IQCM: variants seen among roughly 807,000 people sequenced by gnomAD.
IQCM encodes the protein IQ domain-containing protein M.
Under a neutral mutation model 57.6 loss-of-function variants are expected in IQCM, and 45 were observed. The ratio of observed to expected loss-of-function variants is 0.78; its 90% CI spans 0.62 to 1.00. IQCM has a LOEUF of 1.00. Ranked by LOEUF, IQCM falls within the 50% of genes least tolerant of loss-of-function variation. IQCM has a pLI of 0.00. For missense variants in IQCM, 468 were observed against 511.6 expected (o/e 0.91, Z 0.82); for synonymous variants, 148 against 158.9 (o/e 0.93, Z 0.51).
Position 149,615,343 on chromosome 4 carries a change from G to A in IQCM, c.681+5786C>T, listed in dbSNP as rs1755695026. On this transcript the variant is annotated intron_variant, in intron 8 of 13. Transcript: ENST00000636793. ...TACATTCCAGGTCTCACTCACCTTA[G>A]ATAAATATTATCTTTCAGGATAATT... 2.0e-5 allele frequency among the ~76,000 whole-genome samples: 3 copies of A among 152,046 alleles called. No individual in the cohort carries two copies. In the South Asian group the frequency reaches 6.2e-4, roughly 31 times the overall value.
intron 5 of IQCM, among the ~76,000 whole-genome samples, chr4:149,689,435 C>T (rs1762786619): frequency 6.6e-6 from 1 of 151,974 alleles, no homozygotes; most frequent in Non-Finnish European, 1.5e-5. Flanking sequence ...AGGAGAAATA[C>T]TTAATGTAGA....
At chr4:149,480,499 A>C (rs1028424212) in intron 12 of IQCM, among the ~76,000 whole-genome samples, 2 of 148,602 alleles carry the variant, frequency 1.3e-5, no homozygotes, top group East Asian at 1.9e-4. Flanking sequence ...CCCATAAATA[A>C]GTGAGAACAC....
At chr4:149,383,434 G>C (rs2111044952) in intron 13 of IQCM, among the ~76,000 whole-genome samples, 1 of 152,242 alleles carries the variant, frequency 6.6e-6, no homozygotes, top group South Asian at 2.1e-4. Flanking sequence ...CTGTGGTCAA[G>C]TGGACAGCAT....
chr4:149,447,553 G>A (rs1736645549), intron 12 of IQCM, among the ~76,000 whole-genome samples: 1 of 151,390 alleles, frequency 6.6e-6, no homozygotes, highest in Admixed American at 6.6e-5. Flanking sequence ...GCATAAGAAA[G>A]ATAAGTGAAA....
chr4:149,555,258 C>T (rs1423452076), intron 10 of IQCM, among the ~76,000 whole-genome samples: 4 of 152,064 alleles, frequency 2.6e-5, no homozygotes, highest in African/African-American at 9.7e-5. Context: ...ATTGATTGCA[C>T]TTTTGGCACA....
intron 13 of IQCM, among the ~76,000 whole-genome samples, chr4:149,368,708 T>C (rs1730015672): frequency 6.9e-6 from 1 of 145,296 alleles, no homozygotes; most frequent in African/African-American, 2.5e-5. Context: ...GTAATAAAAG[T>C]TAAAGACATT....
chr4:149,642,584 A>G (rs1579818240), intron 7 of IQCM, among the ~76,000 whole-genome samples: 1 of 152,294 alleles, frequency 6.6e-6, no homozygotes, highest in Admixed American at 6.5e-5. Context: ...AAACTCATCT[A>G]TGGACTACAC....
chr4:149,540,672 T>C (rs1283392466), intron 12 of IQCM, among the ~76,000 whole-genome samples: 1 of 152,132 alleles, frequency 6.6e-6, no homozygotes, highest in African/African-American at 2.4e-5. Flanking sequence ...ATATGTATAA[T>C]GTGATCCTAT....
chr4:149,539,943 G>A (rs751640266), intron 12 of IQCM, among the ~76,000 whole-genome samples: 32 of 152,108 alleles, frequency 2.1e-4, no homozygotes, highest in Non-Finnish European at 3.7e-4. Context: ...AAGTCCAATG[G>A]ATATCCCAGG....
intron 12 of IQCM, among the ~76,000 whole-genome samples, chr4:149,469,375 T>G (rs547287915): frequency 7.2e-5 from 11 of 152,242 alleles, no homozygotes; most frequent in Non-Finnish European, 1.5e-4. Flanking sequence ...AGGGTATCAG[T>G]GATTGAAGAT....
chr4:149,617,129 A>G (rs1755864156), intron 8 of IQCM, among the ~76,000 whole-genome samples: 1 of 151,556 alleles, frequency 6.6e-6, no homozygotes, highest in Admixed American at 6.6e-5. Context: ...CTAATTTTGT[A>G]TTTTTAGTAG....
chr4:149,698,128 C>T (rs1382893921), intron 5 of IQCM, among the ~76,000 whole-genome samples: 1 of 151,610 alleles, frequency 6.6e-6, no homozygotes, highest in Non-Finnish European at 1.5e-5. Flanking sequence ...TCCTACTCTA[C>T]CTTCATGTAA....
intron 2 of IQCM, among the ~76,000 whole-genome samples, chr4:149,745,566 A>G (rs955423367): frequency 6.6e-6 from 1 of 152,148 alleles, no homozygotes. Flanking sequence ...AAACGGTTAC[A>G]GGAATGCTAA....
chr4:149,581,327 C>T (rs1350405667), intron 9 of IQCM, among the ~76,000 whole-genome samples: 1 of 146,822 alleles, frequency 6.8e-6, no homozygotes, highest in Non-Finnish European at 1.5e-5. Flanking sequence ...GTGTGTGTGA[C>T]TGCACAATAA....
intron 12 of IQCM, among the ~76,000 whole-genome samples, chr4:149,446,972 C>A (rs1048677061): frequency 6.6e-6 from 1 of 151,436 alleles, no homozygotes; most frequent in Admixed American, 6.6e-5. Context: ...GTGATAGACA[C>A]TGTGTTAGGT....
intron 2 of IQCM, among the ~76,000 whole-genome samples, chr4:149,750,914 C>T (rs1034681505): frequency 6.6e-6 from 1 of 152,136 alleles, no homozygotes; most frequent in Admixed American, 6.5e-5. Flanking sequence ...TGTTAAAGAG[C>T]AAAATCTAGA....
chr4:149,592,762 G>A (rs1753329415), intron 8 of IQCM, among the ~76,000 whole-genome samples: 1 of 152,036 alleles, frequency 6.6e-6, no homozygotes, highest in Non-Finnish European at 1.5e-5. Flanking sequence ...AGATCAGATG[G>A]TTGTAGATGG....
At chr4:149,740,264 C>G (rs571594231) in intron 3 of IQCM, among the ~76,000 whole-genome samples, 1 of 152,256 alleles carries the variant, frequency 6.6e-6, no homozygotes, top group Non-Finnish European at 1.5e-5. Flanking sequence ...ACAGGTGTAA[C>G]AAAAGCCCCA....
At chr4:149,528,426 C>T (rs546288310) in intron 12 of IQCM, among the ~76,000 whole-genome samples, 22 of 152,234 alleles carry the variant, frequency 1.4e-4, no homozygotes, top group Non-Finnish European at 3.1e-4. Flanking sequence ...TATAAAATTA[C>T]ATATCTGCTA....
Sources: gnomAD v4.1 joint callset for allele counts (sites outside exome capture counted in the v4.1 genomes callset) on GRCh38, gnomAD v4.1.1 for gene constraint, MANE v1.5 for transcripts, NCBI Gene and HGNC (gene_info 2026-07-23, HGNC 2026-07-21) for gene names.